Variants in PCDH17 observed in about 807,000 individuals in gnomAD.
PCDH17 encodes the protein protocadherin 17, also known as protocadherin-17.
Under a neutral mutation model 67.7 loss-of-function variants are expected in PCDH17, and 21 were observed. The ratio of observed to expected loss-of-function variants is 0.31; its 90% CI spans 0.22 to 0.45. The LOEUF is 0.45. Among genes scored for constraint, PCDH17 ranks in the 20% least tolerant of loss-of-function variants. The pLI, the probability that PCDH17 is intolerant of heterozygous loss-of-function variation, is 1.00. For missense variants in PCDH17, 1,471 were observed against 1,564.8 expected (o/e 0.94, Z 1.01); for synonymous variants, 701 against 656.7 (o/e 1.07, Z -1.03).
chr13:57,687,863 C>G (rs1228523454), intron 3 of PCDH17, among the ~76,000 whole-genome samples: 1 of 151,938 alleles, frequency 6.6e-6, no homozygotes, highest in African/African-American at 2.4e-5. Context: ...GAGGGAGCTC[C>G]CCCAGTGGAG....
At chr13:57,699,314 A>G (rs561670659) in intron 3 of PCDH17, among the ~76,000 whole-genome samples, 12 of 152,160 alleles carry the variant, frequency 7.9e-5, no homozygotes, top group African/African-American at 2.9e-4. Flanking sequence ...AAAAAGGTGA[A>G]AGTTTCTTTT....
Position 57,727,624 on chromosome 13 carries a change from T to G in PCDH17, c.*2330T>G, listed in dbSNP as rs913436961. ...ACTCTTGGTTTTTATTACTCATAAA[T>G]GTTTAAATTAGAAAAGAAGGGACCT... On this transcript the variant is annotated 3_prime_UTR_variant, in exon 4 of 4. Coordinates refer to ENST00000377918, the MANE Select transcript of PCDH17 (RefSeq NM_001040429.3). 2.0e-5 allele frequency: 3 copies of G among 152,124 alleles called. No homozygotes were observed. The highest frequency in any genetic ancestry group is 7.2e-5 in the African/African-American group (3 of 41,450). 9.4% of individuals were successfully genotyped at this position (152,124 alleles called of 1,614,324 possible).
In PCDH17 at chr13:57,725,386, G is replaced by A. The variant is rs1955908303; in HGVS notation, c.*92G>A. The A allele has an allele frequency of 2.6e-6, 3 of 1,140,038 alleles. No homozygotes were observed. In the African/African-American group the frequency reaches 4.7e-5, roughly 18 times the overall value. 70.6% of individuals were successfully genotyped at this position (1,140,038 alleles called of 1,614,324 possible). ...TGGTGATAACCCATTTTACAGGGAT[G>A]AAGAAAGACCAATGCTGCTTTAAGG... On this transcript the variant is annotated 3_prime_UTR_variant, in exon 4 of 4. Coordinates refer to ENST00000377918, the MANE Select transcript of PCDH17 (RefSeq NM_001040429.3).
At chr13:57,716,068 G>A (rs925602047) in intron 3 of PCDH17, among the ~76,000 whole-genome samples, 3 of 151,892 alleles carry the variant, frequency 2.0e-5, no homozygotes, top group Non-Finnish European at 4.4e-5. Context: ...GAATCATTCA[G>A]GTCTTGTTGT....
At chr13:57,686,533 T>C (rs1420797696) in intron 3 of PCDH17, among the ~76,000 whole-genome samples, 2 of 151,962 alleles carry the variant, frequency 1.3e-5, no homozygotes, top group Non-Finnish European at 2.9e-5. Context: ...TAAAGTGATA[T>C]GAACCAGAAT....
At position 57,633,325 on chromosome 13, in the gene PCDH17, C is replaced by T; in HGVS notation, c.779C>T (p.Thr260Ile). ...CTGCCCGAGAACGCTCCGCTGGGTACAGTGGTCATCGATCTGAACGCCACC... is the reference window on the plus strand; with the variant it reads ...CTGCCCGAGAACGCTCCGCTGGGTATAGTGGTCATCGATCTGAACGCCACC... ...VELPENAPLG[T>I]VVIDLNATDA... The change falls in exon 1 of 4, where the codon ACA becomes ATA. Residue 260 changes from threonine (T) to isoleucine (I), a missense_variant. Physicochemically the swap from Thr to Ile is moderately conservative, Grantham distance 89. Around this residue, in one of 3 missense-constraint regions of PCDH17, gnomAD observed 1,163 missense variants for 1,230.0 expected, o/e 0.95. Coordinates refer to ENST00000377918, the MANE Select transcript of PCDH17 (RefSeq NM_001040429.3). This position sits in a 1 kb window ranked among gnomAD's most constrained non-coding sequence, Gnocchi z 6.2. 1.2e-6 allele frequency: 2 copies of T among 1,613,270 alleles called. No individual in the cohort carries two copies. The highest frequency in any genetic ancestry group is 1.6e-4 in the Middle Eastern group (1 of 6,062).
At chr13:57,658,115 G>T (rs1328077239) in intron 1 of PCDH17, among the ~76,000 whole-genome samples, 2 of 152,080 alleles carry the variant, frequency 1.3e-5, no homozygotes, top group Admixed American at 6.6e-5. Context: ...AACATATAAA[G>T]CCTATACAGA....
chr13:57,675,592 A>G (rs1023136333), intron 3 of PCDH17, among the ~76,000 whole-genome samples: 1 of 151,984 alleles, frequency 6.6e-6, no homozygotes, highest in African/African-American at 2.4e-5. Flanking sequence ...ACCCTTCTGC[A>G]CACTTGGCAG....
rs146333612 is a variant in PCDH17 at position 57,728,517 on chromosome 13, T to TAAAAAAAA, written c.*3239_*3246dup. 4 of 70,812 alleles carry TAAAAAAAA rather than the reference T, an allele frequency of 5.6e-5. No individual in the cohort carries two copies. Among genetic ancestry groups the TAAAAAAAA allele is most frequent in the African/African-American group, 1.6e-4 (3 of 18,648 alleles). 4.4% of individuals were successfully genotyped at this position (70,812 alleles called of 1,614,324 possible). ...TTCTAAAAATTGCTTGCAGATGAGC[T>TAAAAAAAA]AAAAAAAAAAAAAAAAAAAAAAAGC... On this transcript the variant is annotated 3_prime_UTR_variant, in exon 4 of 4. Coordinates refer to ENST00000377918, the MANE Select transcript of PCDH17 (RefSeq NM_001040429.3).
intron 1 of PCDH17, among the ~76,000 whole-genome samples, chr13:57,654,307 G>T (rs1380683482): frequency 6.6e-6 from 1 of 152,036 alleles, no homozygotes; most frequent in African/African-American, 2.4e-5. Flanking sequence ...AATGGGACAT[G>T]GCTGAGTTCC....
Position 57,632,125 on chromosome 13 carries a change from T to C in PCDH17, c.-422T>C. 1 of 238,502 alleles carries C rather than the reference T, an allele frequency of 4.2e-6. No homozygotes were observed. The highest frequency in any genetic ancestry group is 5.4e-5 in the South Asian group (1 of 18,572). The allele number at this position is 238,502 out of a possible 1,614,324, so 14.8% of individuals were successfully genotyped here. A position where few individuals can be genotyped will look rare whatever the true frequency, so the allele number is the denominator to read the frequency against. ...GGGCGGGAGTAGATTTGCAGCACCCTAGCGGGAGCGAGGAAAACCTACTGA... is the reference window on the plus strand; with the variant it reads ...GGGCGGGAGTAGATTTGCAGCACCCCAGCGGGAGCGAGGAAAACCTACTGA... On this transcript the variant is annotated 5_prime_UTR_variant, in exon 1 of 4. Transcript: ENST00000377918.
intron 3 of PCDH17, among the ~76,000 whole-genome samples, chr13:57,717,591 G>C (rs1955830431): frequency 6.6e-6 from 1 of 151,952 alleles, no homozygotes; most frequent in Non-Finnish European, 1.5e-5. Context: ...ACTTGCTTAT[G>C]ATATAGGACA....
At chr13:57,673,928 C>G (rs1207764117) in intron 3 of PCDH17, among the ~76,000 whole-genome samples, 1 of 151,930 alleles carries the variant, frequency 6.6e-6, no homozygotes, top group Admixed American at 6.6e-5. Flanking sequence ...AAATTGTATG[C>G]AGCTTCAGTT....
Position 57,666,681 on chromosome 13 carries a change from C to T in PCDH17, c.2645C>T (p.Pro882Leu). Residue 882 changes from proline to leucine, a missense_variant, in exon 3 of 4, where the codon CCA (proline) becomes CTA (leucine). Pro to Leu is a moderately conservative substitution (Grantham distance 98). Coordinates refer to ENST00000377918, the MANE Select transcript of PCDH17 (RefSeq NM_001040429.3). ...TTCAGTAGCTCCACGTTTAAGGACC[C>T]AGAAAGAGCCAGCCTGAGAGACAGT... ...FVQSSSTFKD[P>L]ERASLRDSGH... The T allele has an allele frequency of 1.2e-6, 2 of 1,612,142 alleles. No individual in the cohort carries two copies. The highest frequency in any genetic ancestry group is 1.7e-6 in the Non-Finnish European group (2 of 1,179,034).
In PCDH17 at chr13:57,727,592, A is replaced by C. The variant is rs1168596673; in HGVS notation, c.*2298A>C. The C allele has an allele frequency of 6.6e-6, 1 of 152,090 alleles. No homozygotes were observed. Among genetic ancestry groups the C allele is most frequent in the Non-Finnish European group, 1.5e-5 (1 of 67,988 alleles). The allele number at this position is 152,090 out of a possible 1,614,324, so 9.4% of individuals were successfully genotyped here. On this transcript the variant is annotated 3_prime_UTR_variant, in exon 4 of 4. Transcript: ENST00000377918. ...TTGGTTCCTAGTAACAGCCTTTCCA[A>C]AGCTCTACTCTTGGTTTTTATTACT... is the stretch of plus-strand genomic sequence containing the variant.
At chr13:57,709,593 G>A (rs1055444638) in intron 3 of PCDH17, 3 of 151,896 alleles carry the variant, frequency 2.0e-5, no homozygotes, top group African/African-American at 7.3e-5. Flanking sequence ...CAATAGAGAA[G>A]GATTCATAAT....
Position 57,728,085 on chromosome 13 carries a change from A to C in PCDH17, c.*2791A>C, listed in dbSNP as rs1259134510. 2.0e-5 allele frequency: 3 copies of C among 152,502 alleles called. No individual in the cohort carries two copies. The highest frequency in any genetic ancestry group is 4.4e-5 in the Non-Finnish European group (3 of 67,994). The allele number at this position is 152,502 out of a possible 1,614,324, so 9.4% of individuals were successfully genotyped here. A position where few individuals can be genotyped will look rare whatever the true frequency, so the allele number is the denominator to read the frequency against. Reference sequence around the variant, plus strand: ...AACACATTATCTGTATTTAGTAGTGATTATTTATTTACAAGTTGGTGGTAA... The same window carrying C: ...AACACATTATCTGTATTTAGTAGTGCTTATTTATTTACAAGTTGGTGGTAA... On this transcript the variant is annotated 3_prime_UTR_variant, in exon 4 of 4. Transcript: ENST00000377918.
intron 1 of PCDH17, among the ~76,000 whole-genome samples, chr13:57,647,731 A>G (rs1007137549): frequency 6.6e-6 from 1 of 151,894 alleles, no homozygotes; most frequent in Admixed American, 6.6e-5. Context: ...TAAAATGTTG[A>G]TTTTCTTTTA....
chr13:57,643,466 C>A (rs1237371820), intron 1 of PCDH17, among the ~76,000 whole-genome samples: 1 of 151,424 alleles, frequency 6.6e-6, no homozygotes, highest in Non-Finnish European at 1.5e-5. Flanking sequence ...TTCTATAGTT[C>A]TGTCAGCAAA....
Sources: allele counts gnomAD v4.1 joint callset (sites outside exome capture counted in the v4.1 genomes callset), GRCh38; gene constraint gnomAD v4.1.1; regional missense constraint gnomAD v4.1.1; non-coding constraint Gnocchi (gnomAD v3.1); transcripts MANE v1.5; gene names NCBI Gene and HGNC (gene_info 2026-07-23, HGNC 2026-07-21).